Variants in DCAF8 observed in about 807,000 individuals in gnomAD.
DCAF8 encodes the protein DDB1 and CUL4 associated factor 8.
In DCAF8, 20 loss-of-function variants were observed where a neutral mutation model predicts 68.0. The observed-to-expected ratio is 0.29, with a 90% CI of 0.21 to 0.43. The LOEUF is 0.43. DCAF8 is among the 20% of genes least tolerant of loss of function. DCAF8 has a pLI of 1.00. For synonymous variants in DCAF8, 230 were observed against 276.9 expected, an observed-to-expected ratio of 0.83 and a Z score of 1.68; for missense variants, 460 against 771.0, an observed-to-expected ratio of 0.60 and a Z score of 4.78.
chr1:160,240,063 C>G lies in DCAF8; in HGVS notation c.357G>C (p.Gln119His). The change falls in exon 4 of 14, where the codon CAG becomes CAC. Residue 119 changes from glutamine (Q) to histidine (H), a missense_variant. Coordinates refer to ENST00000368074, the MANE Select transcript of DCAF8 (RefSeq NM_015726.4). Reference sequence around the variant, plus strand: ...CCTGGTCACGGTTAGCCCGCTTGCGCTGTACACGGCGCCGAGGCTGCTCTT... The same window carrying G: ...CCTGGTCACGGTTAGCCCGCTTGCGGTGTACACGGCGCCGAGGCTGCTCTT... ...EEEEQPRRRV[Q>H]RKRANRDQDS... is the part of the protein sequence containing the mutation. 6.2e-7 allele frequency: 1 copy of G among 1,614,244 alleles called. No individual in the cohort carries two copies. Among genetic ancestry groups the G allele is most frequent in the African/African-American group, 1.3e-5 (1 of 75,070 alleles).
chr1:160,226,080 T>C (rs1051867734), intron 7 of DCAF8, among the ~76,000 whole-genome samples: 2 of 152,224 alleles, frequency 1.3e-5, no homozygotes, highest in Non-Finnish European at 2.9e-5. Context: ...TTTATCCACA[T>C]ACTTCCCATT....
chr1:160,247,909 CAAAG>C (rs1036703273), intron 2 of DCAF8, among the ~76,000 whole-genome samples: 2 of 152,062 alleles, frequency 1.3e-5, no homozygotes, highest in Non-Finnish European at 2.9e-5. Context: ...CAGAAGAAAA[CAAAG>C]AAAATAACCT....
chr1:160,255,765 G>A (rs1389684385), intron 2 of DCAF8, among the ~76,000 whole-genome samples: 2 of 151,956 alleles, frequency 1.3e-5, no homozygotes, highest in Non-Finnish European at 2.9e-5. Context: ...GACTACAGGT[G>A]CATGCCACTG....
intron 7 of DCAF8, among the ~76,000 whole-genome samples, chr1:160,228,248 G>A (rs976122092): frequency 7.9e-5 from 12 of 151,974 alleles, no homozygotes; most frequent in Non-Finnish European, 1.5e-4. Context: ...TTTAAGTCAC[G>A]TAAGGAATAG....
chr1:160,235,739 G>A (rs1012502223), intron 6 of DCAF8, among the ~76,000 whole-genome samples: 19 of 151,062 alleles, frequency 1.3e-4, no homozygotes, highest in African/African-American at 4.7e-4. Context: ...TACTTACAAT[G>A]ATTTTTTTTT....
intron 12 of DCAF8, 33 bp downstream of exon 12, chr1:160,218,816 G>C: frequency 6.2e-7 from 1 of 1,613,164 alleles, no homozygotes; most frequent in Non-Finnish European, 8.5e-7. Context: ...TGGATAAGCA[G>C]AAAGAAAATA....
intron 2 of DCAF8, among the ~76,000 whole-genome samples, chr1:160,245,449 C>T (rs1028086068): frequency 1.3e-5 from 2 of 152,322 alleles, no homozygotes; most frequent in African/African-American, 4.8e-5. Flanking sequence ...CAGCCTCATC[C>T]TTATCTTTTC....
intron 2 of DCAF8, among the ~76,000 whole-genome samples, chr1:160,259,778 G>C (rs1292906947): frequency 1.3e-5 from 2 of 152,302 alleles, no homozygotes; most frequent in African/African-American, 2.4e-5. Context: ...GGCCAACTCT[G>C]ATCAGGTGTG....
intron 7 of DCAF8, 21 bp from the exon 8 acceptor site, chr1:160,225,684 A>C: frequency 2.5e-6 from 4 of 1,595,482 alleles, no homozygotes; most frequent in Non-Finnish European, 3.4e-6. Flanking sequence ...AAAAGCAATG[A>C]AAATGTAAAA....
At chr1:160,250,223 G>A (rs1255696220) in intron 2 of DCAF8, among the ~76,000 whole-genome samples, 1 of 152,166 alleles carries the variant, frequency 6.6e-6, no homozygotes, top group Non-Finnish European at 1.5e-5. Context: ...CAACACTTTG[G>A]GAGGCCAAGG....
chr1:160,222,569 T>G, intron 11 of DCAF8, 82 bp downstream of exon 11: 29 of 1,557,784 alleles, frequency 1.9e-5, no homozygotes, highest in Non-Finnish European at 2.5e-5. Context: ...GTAGTCACAG[T>G]GAGAATTCAG....
chr1:160,262,342 A>G (rs1030452528), intron 1 of DCAF8, 107 bp downstream of exon 1: 5 of 399,288 alleles, frequency 1.3e-5, no homozygotes, highest in South Asian at 2.5e-4. Context: ...GGCGAGGCTC[A>G]GCAGCCCGCT....
At chr1:160,222,580 T>C (rs1473222542) in intron 11 of DCAF8, 71 bp downstream of exon 11, 5 of 1,579,620 alleles carry the variant, frequency 3.2e-6, no homozygotes, top group Non-Finnish European at 3.5e-6. Context: ...GAGAATTCAG[T>C]GTCCCTGCTA....
At chr1:160,255,455 T>C (rs1342711726) in intron 2 of DCAF8, among the ~76,000 whole-genome samples, 1 of 152,080 alleles carries the variant, frequency 6.6e-6, no homozygotes, top group Non-Finnish European at 1.5e-5. Context: ...TTGAAGGTTC[T>C]GAGGATACCC....
At position 160,239,812 on chromosome 1, in the gene DCAF8, T is replaced by C; in HGVS notation, c.608A>G (p.Gln203Arg). 1.2e-6 allele frequency: 2 copies of C among 1,614,266 alleles called. No individual in the cohort carries two copies. Among genetic ancestry groups the C allele is most frequent in the Non-Finnish European group, 1.7e-6 (2 of 1,180,050 alleles). ...GCCACTGGCCAGCCAGGTGCCGCGC[T>C]GGTTAAAGTGCAGGGTATTGACACA... ...TGCVNTLHFN[Q>R]RGTWLASGSD... The change falls in exon 4 of 14, where the codon CAG becomes CGG. Residue 203 changes from glutamine (Q) to arginine (R), a missense_variant. Coordinates refer to ENST00000368074, the MANE Select transcript of DCAF8 (RefSeq NM_015726.4).
In DCAF8 at chr1:160,222,675, G is replaced by A. The variant is rs1655338033; in HGVS notation, c.1416C>T (p.Phe472=). ...WEKSSCQIIQ[F]MEGDKGGVVN... Reference sequence around the variant, plus strand: ...CCACGCCTCCCTTGTCCCCCTCCATGAACTGAATAATCTGGCAGGATGATT... The same window carrying A: ...CCACGCCTCCCTTGTCCCCCTCCATAAACTGAATAATCTGGCAGGATGATT... The change falls in exon 11 of 14, where the codon TTC becomes TTT. Residue 472 remains phenylalanine (F), a synonymous_variant. Coordinates refer to ENST00000368074, the MANE Select transcript of DCAF8 (RefSeq NM_015726.4). The A allele has an allele frequency of 6.2e-7, 1 of 1,613,990 alleles. No individual in the cohort carries two copies. The highest frequency in any genetic ancestry group is 8.5e-7 in the Non-Finnish European group (1 of 1,180,024).
At chr1:160,252,049 A>C (rs1259366581) in intron 2 of DCAF8, among the ~76,000 whole-genome samples, 1 of 151,960 alleles carries the variant, frequency 6.6e-6, no homozygotes, top group Non-Finnish European at 1.5e-5. Context: ...CTGCAGAGAG[A>C]CTCTAGCAGG....
Position 160,222,850 on chromosome 1 carries a change from G to A in DCAF8, c.1310-69C>T, listed in dbSNP as rs1655342576. The A allele has an allele frequency of 1.9e-6, 3 of 1,595,172 alleles. 1 individual carries two copies. The highest frequency in any genetic ancestry group is 3.4e-5 in the Admixed American group (2 of 59,078). ...CAGGCCTATATACATTCATCTCAAAGGGAATTTAGTTATTCACAAACTCTA... is the reference window on the plus strand; with the variant it reads ...CAGGCCTATATACATTCATCTCAAAAGGAATTTAGTTATTCACAAACTCTA... On this transcript the variant is annotated intron_variant, in intron 10 of 13. Transcript: ENST00000368074.
intron 2 of DCAF8, among the ~76,000 whole-genome samples, chr1:160,250,196 G>A (rs1656520399): frequency 6.6e-6 from 1 of 152,196 alleles, no homozygotes; most frequent in South Asian, 2.1e-4. Flanking sequence ...CGGCGCAGTG[G>A]CTCATGCCTG....
Sources: allele counts gnomAD v4.1 joint callset (sites outside exome capture counted in the v4.1 genomes callset), GRCh38; gene constraint gnomAD v4.1.1; transcripts MANE v1.5; gene names NCBI Gene and HGNC (gene_info 2026-07-23, HGNC 2026-07-21).